Variants in GPAM observed in about 807,000 individuals in gnomAD.
The protein encoded by GPAM is glycerol-3-phosphate acyltransferase, mitochondrial, also known as glycerol-3-phosphate acyltransferase 1, mitochondrial.
In GPAM, 56 loss-of-function variants were observed where a neutral mutation model predicts 105.0. The observed-to-expected ratio is 0.53, with a 90% confidence interval of 0.43 to 0.67. The LOEUF (loss-of-function observed/expected upper bound fraction) is 0.67. Among genes scored for constraint, GPAM ranks in the 30% least tolerant of loss-of-function variants. The probability of loss-of-function intolerance (pLI) is 0.00; values close to 1 mark genes in which losing one functional copy is unlikely to be tolerated. For synonymous variants in GPAM, 368 were observed against 354.4 expected (o/e 1.04, Z -0.43); for missense variants, 855 against 989.8 (o/e 0.86, Z 1.83).
intron 19 of GPAM, 115 bp from the exon 20 acceptor site, chr10:112,156,168 C>G: frequency 5.5e-6 from 4 of 731,778 alleles, no homozygotes; most frequent in Non-Finnish European, 9.9e-6. Flanking sequence ...CCACTCACAT[C>G]AGCACTACAT....
intron 7 of GPAM, among the ~76,000 whole-genome samples, 185 bp from the exon 8 acceptor site, chr10:112,173,251 T>TA (rs869293423): frequency 0.013 from 948 of 71,724 alleles, 9 homozygotes; most frequent in African/African-American, 0.045. Context: ...AGAGCTAATT[T>TA]TATATATATA....
chr10:112,185,942 A>G (rs2792749), upstream of GPAM, among the ~76,000 whole-genome samples: 1,981 of 152,262 alleles, frequency 0.013, 41 homozygotes, highest in African/African-American at 0.045. Context: ...AGGTGAGAAT[A>G]GATTAGGGAG....
chr10:112,151,583 G>A lies in GPAM; in HGVS notation c.*1967C>T. On this transcript the variant is annotated 3_prime_UTR_variant, in exon 22 of 22. Transcript: ENST00000348367. ...CTTCTAGAAAACAAACCAACCAAAAGGGAAAATAATGCAAGAGAAGCCGTA... is the reference window on the plus strand; with the variant it reads ...CTTCTAGAAAACAAACCAACCAAAAAGGAAAATAATGCAAGAGAAGCCGTA... 2 of 985,730 alleles carry A rather than the reference G, an allele frequency of 2.0e-6. No homozygotes were observed. The highest frequency in any genetic ancestry group is 2.4e-6 in the Non-Finnish European group (2 of 829,908). 61.1% of individuals were successfully genotyped at this position (985,730 alleles called of 1,614,324 possible). A position where few individuals can be genotyped will look rare whatever the true frequency, so the allele number is the denominator to read the frequency against.
At chr10:112,163,425 C>T (rs1847157924) in intron 14 of GPAM, among the ~76,000 whole-genome samples, 1 of 144,606 alleles carries the variant, frequency 6.9e-6, no homozygotes, top group African/African-American at 2.6e-5. Context: ...CATTAATGAG[C>T]AACAGAGGCA....
intron 1 of GPAM, among the ~76,000 whole-genome samples, chr10:112,192,383 A>G (rs988863787): frequency 2.0e-5 from 3 of 152,176 alleles, no homozygotes; most frequent in Non-Finnish European, 4.4e-5. Context: ...TTAAAATCAC[A>G]ATGAAATTTT....
At chr10:112,209,075 T>A (rs1486381020) in intron 1 of GPAM, among the ~76,000 whole-genome samples, 2 of 152,226 alleles carry the variant, frequency 1.3e-5, no homozygotes, top group African/African-American at 4.8e-5. Flanking sequence ...GCACTGTGAA[T>A]ACACTGCACT....
intron 1 of GPAM, among the ~76,000 whole-genome samples, chr10:112,196,422 A>G (rs1847724977): frequency 1.3e-5 from 2 of 152,220 alleles, no homozygotes; most frequent in African/African-American, 4.8e-5. Flanking sequence ...TTTGACATAT[A>G]AAAGCTCAAA....
intron 1 of GPAM, among the ~76,000 whole-genome samples, chr10:112,204,259 T>C (rs1229032621): frequency 6.6e-6 from 1 of 150,902 alleles, no homozygotes; most frequent in Non-Finnish European, 1.5e-5. Flanking sequence ...TTGTTCTTTT[T>C]TTTTTTTTTT....
At chr10:112,192,829 A>T (rs928970840) in intron 1 of GPAM, among the ~76,000 whole-genome samples, 1 of 152,242 alleles carries the variant, frequency 6.6e-6, no homozygotes, top group Admixed American at 6.5e-5. Context: ...TCAAAATAGA[A>T]GCCCATGTCT....
chr10:112,186,298 A>C (rs1847595184), upstream of GPAM, among the ~76,000 whole-genome samples: 2 of 151,700 alleles, frequency 1.3e-5, no homozygotes, highest in South Asian at 4.1e-4. Flanking sequence ...TGGTATGTAC[A>C]TTTTATATAT....
rs144211320 is a variant in GPAM at position 112,170,360 on chromosome 10, G to C, written c.795-1408C>G. Among the ~76,000 whole-genome samples, 410 of 152,288 alleles carry C rather than the reference G, an allele frequency of 2.7e-3. 1 individual carries two copies. The highest frequency in any genetic ancestry group is 9.7e-3 in the African/African-American group (402 of 41,548). ...GTAGACTGTCATGTAACAAAAGAAA[G>C]CTGCACAAAAACAGGCTGGGCTAAC... On this transcript the variant is annotated intron_variant, in intron 9 of 21. Coordinates refer to ENST00000348367, the MANE Select transcript of GPAM (RefSeq NM_001244949.2).
chr10:112,156,898 T>C, intron 19 of GPAM: 1 of 417,346 alleles, frequency 2.4e-6, no homozygotes, highest in South Asian at 4.7e-5. Flanking sequence ...ACAGCAAGAG[T>C]GACTCAAAAA....
intron 17 of GPAM, among the ~76,000 whole-genome samples, chr10:112,159,700 A>T (rs1242069360): frequency 6.6e-6 from 1 of 152,218 alleles, no homozygotes; most frequent in East Asian, 1.9e-4. Context: ...CATGGCTCAT[A>T]GCTGCAGGAT....
At chr10:112,193,078 C>T (rs370417319) in intron 1 of GPAM, among the ~76,000 whole-genome samples, 19 of 152,334 alleles carry the variant, frequency 1.2e-4, no homozygotes, top group South Asian at 6.2e-4. Context: ...ATCAGAAAAA[C>T]GAACCCCTTC....
At chr10:112,186,078 C>T (rs1847592902), upstream of GPAM, among the ~76,000 whole-genome samples, 1 of 151,790 alleles carries the variant, frequency 6.6e-6, no homozygotes, top group African/African-American at 2.4e-5. Context: ...TACCAAGAAA[C>T]ATCACAATCA....
At chr10:112,207,221 AT>A (rs1216274419) in intron 1 of GPAM, among the ~76,000 whole-genome samples, 1 of 152,192 alleles carries the variant, frequency 6.6e-6, no homozygotes, top group Non-Finnish European at 1.5e-5. Context: ...TAAACTTCCT[AT>A]GATGTACGGG....
chr10:112,187,771 C>T (rs1271021791), upstream of GPAM, among the ~76,000 whole-genome samples: 2 of 152,048 alleles, frequency 1.3e-5, no homozygotes, highest in Non-Finnish European at 2.9e-5. Flanking sequence ...CAAGTGTGCA[C>T]AGAACATCCA....
intron 2 of GPAM, among the ~76,000 whole-genome samples, chr10:112,182,558 C>A (rs1847527833): frequency 6.6e-6 from 1 of 152,192 alleles, no homozygotes; most frequent in South Asian, 2.1e-4. Flanking sequence ...TCTAGCCTCA[C>A]ATTATTTTTG....
chr10:112,176,439 T>C (rs558139681), intron 5 of GPAM, among the ~76,000 whole-genome samples: 135 of 152,360 alleles, frequency 8.9e-4, no homozygotes, highest in African/African-American at 2.9e-3. Context: ...AAAACATTTG[T>C]AATGATTACA....
Sources: allele counts gnomAD v4.1 joint callset (sites outside exome capture counted in the v4.1 genomes callset), GRCh38; gene constraint gnomAD v4.1.1; transcripts MANE v1.5; gene names NCBI Gene and HGNC (gene_info 2026-07-23, HGNC 2026-07-21).